FOXP2: variants seen among roughly 807,000 people sequenced by gnomAD.
FOXP2 encodes forkhead box protein P2.
A neutral mutation model predicts 115.8 loss-of-function variants in FOXP2; 12 were observed. The ratio of observed to expected loss-of-function variants is 0.10; its 90% CI spans 0.07 to 0.17. FOXP2 has a LOEUF of 0.17. FOXP2 is among the 10% of genes least tolerant of loss of function. FOXP2 has a pLI of 1.00. For missense variants in FOXP2, 629 were observed against 843.5 expected (o/e 0.75, Z 3.15); for synonymous variants, 328 against 297.7 (o/e 1.10, Z -1.05).
At chr7:114,641,379 T>C (rs1223425416) in intron 6 of FOXP2, among the ~76,000 whole-genome samples, 4 of 152,206 alleles carry the variant, frequency 2.6e-5, no homozygotes, top group African/African-American at 9.6e-5. Context: ...ATAATTCAAA[T>C]AAATTTGCAT....
chr7:114,296,857 T>C (rs1391240660), intron 2 of FOXP2, among the ~76,000 whole-genome samples: 1 of 152,216 alleles, frequency 6.6e-6, no homozygotes, highest in Non-Finnish European at 1.5e-5. Flanking sequence ...GCAGTATCTC[T>C]CTTCAACCTT....
At chr7:114,556,174 C>G (rs1000233063) in intron 3 of FOXP2, among the ~76,000 whole-genome samples, 4 of 152,136 alleles carry the variant, frequency 2.6e-5, no homozygotes. Context: ...CACTAGTCCT[C>G]TTCCTCCAGG....
At chr7:114,297,290 C>CCAT in intron 2 of FOXP2, 1 of 555,704 alleles carries the variant, frequency 1.8e-6, no homozygotes, top group Non-Finnish European at 3.5e-6. Flanking sequence ...AACCCACACA[C>CCAT]CTCTGAATCA....
chr7:114,088,618 A>G (rs1799476902), intron 1 of FOXP2, among the ~76,000 whole-genome samples: 1 of 152,218 alleles, frequency 6.6e-6, no homozygotes, highest in Admixed American at 6.5e-5. Flanking sequence ...GTTTAATAGC[A>G]AGTCTGTGTT....
In FOXP2 at chr7:114,321,701, A is replaced by T. The variant is rs115357272; in HGVS notation, c.-11+33592A>T. The stretch of plus-strand genomic sequence containing the variant: ...TTTATGCATTTTATAATTTTAATTC[A>T]GGATGTTTTTGCAAGCTGGTAGAGT... On this transcript the variant is annotated intron_variant, in intron 2 of 17. Transcript: ENST00000634411. Among the ~76,000 whole-genome samples the T allele has an allele frequency of 2.7e-3, 415 of 152,320 alleles. 3 individuals carry two copies. Among genetic ancestry groups the T allele is most frequent in the African/African-American group, 9.6e-3 (400 of 41,580 alleles).
intron 3 of FOXP2, among the ~76,000 whole-genome samples, chr7:114,539,040 T>G (rs2129279980): frequency 6.6e-6 from 1 of 152,038 alleles, no homozygotes; most frequent in South Asian, 2.1e-4. Context: ...TTGAAATGTT[T>G]TGATATAATG....
chr7:114,169,179 C>T (rs117010641), intron 1 of FOXP2, among the ~76,000 whole-genome samples: 4,051 of 147,702 alleles, frequency 0.027, 139 homozygotes, highest in East Asian at 0.13. Flanking sequence ...AGAAGAGGGC[C>T]ACCGTCCTCC....
At chr7:114,395,661 C>T (rs1319936464) in intron 2 of FOXP2, among the ~76,000 whole-genome samples, 1 of 151,924 alleles carries the variant, frequency 6.6e-6, no homozygotes, top group South Asian at 2.1e-4. Flanking sequence ...CTTGATATGA[C>T]CAAAACATGA....
At chr7:114,676,806 T>C (rs994345611) in intron 16 of FOXP2, among the ~76,000 whole-genome samples, 1 of 152,162 alleles carries the variant, frequency 6.6e-6, no homozygotes, top group Non-Finnish European at 1.5e-5. Flanking sequence ...ATACAAACAA[T>C]TTTAATCTAG....
intron 1 of FOXP2, among the ~76,000 whole-genome samples, chr7:114,204,068 T>G (rs971198132): frequency 3.3e-5 from 5 of 152,180 alleles, no homozygotes; most frequent in Admixed American, 6.5e-5. Context: ...TTTTTCTGCT[T>G]CTTCTTCTGA....
chr7:114,495,479 C>CTTTTTTTTTTTTTTTT (rs1797263196), intron 2 of FOXP2, among the ~76,000 whole-genome samples: 1 of 94,072 alleles, frequency 1.1e-5, no homozygotes, highest in African/African-American at 4.1e-5. Context: ...TTCTTTCTCT[C>CTTTTTTTTTTTTTTTT]TCTCTTTTTT....
intron 2 of FOXP2, among the ~76,000 whole-genome samples, chr7:114,482,410 A>G (rs995987614): frequency 1.3e-5 from 2 of 151,558 alleles, no homozygotes; most frequent in Non-Finnish European, 3.0e-5. Flanking sequence ...TGGATTTTCA[A>G]CTGAAGGTAA....
At chr7:114,655,598 C>CA (rs1317195718) in intron 10 of FOXP2, among the ~76,000 whole-genome samples, 2 of 151,888 alleles carry the variant, frequency 1.3e-5, no homozygotes, top group African/African-American at 4.8e-5. Context: ...TCACAACCCT[C>CA]AAAAAAACCC....
chr7:114,258,561 T>G (rs1485979115), intron 1 of FOXP2, among the ~76,000 whole-genome samples: 1 of 152,198 alleles, frequency 6.6e-6, no homozygotes, highest in Non-Finnish European at 1.5e-5. Flanking sequence ...ATTGTAGATA[T>G]TCACATCCTG....
intron 2 of FOXP2, among the ~76,000 whole-genome samples, chr7:114,497,710 A>T (rs1218946410): frequency 6.7e-6 from 1 of 149,324 alleles, no homozygotes; most frequent in Non-Finnish European, 1.5e-5. Flanking sequence ...AATAAATAAA[A>T]GTTGCATTTA....
intron 6 of FOXP2, 38 bp from the exon 7 acceptor site, chr7:114,642,372 A>C: frequency 1.9e-6 from 3 of 1,541,700 alleles, no homozygotes; most frequent in East Asian, 4.5e-5. Context: ...CTTTACCTTT[A>C]CCTTGTTATG....
chr7:114,376,782 G>C (rs758250337), intron 2 of FOXP2, among the ~76,000 whole-genome samples: 12 of 152,218 alleles, frequency 7.9e-5, no homozygotes, highest in Non-Finnish European at 1.5e-4. Context: ...GCAAGAAAGA[G>C]TGTGGCATAT....
At chr7:114,136,773 T>C (rs1166343482) in intron 1 of FOXP2, among the ~76,000 whole-genome samples, 1 of 151,906 alleles carries the variant, frequency 6.6e-6, no homozygotes, top group Admixed American at 6.5e-5. Flanking sequence ...GACTAACTTG[T>C]CTATAACTTT....
At chr7:114,461,592 G>A (rs1795561808) in intron 2 of FOXP2, among the ~76,000 whole-genome samples, 1 of 152,002 alleles carries the variant, frequency 6.6e-6, no homozygotes, top group Admixed American at 6.5e-5. Context: ...CTCATGAGTT[G>A]CTTTTTGTTT....
Sources: gnomAD v4.1 joint callset for allele counts (sites outside exome capture counted in the v4.1 genomes callset) on GRCh38, gnomAD v4.1.1 for gene constraint, MANE v1.5 for transcripts, NCBI Gene and HGNC (gene_info 2026-07-23, HGNC 2026-07-21) for gene names.